EEF1AKMT2: variants seen among roughly 807,000 people sequenced by gnomAD.
EEF1AKMT2 encodes the protein eukaryotic translation elongation factor 1 alpha lysine methyltransferase 2.
Under a neutral mutation model 35.8 loss-of-function variants are expected in EEF1AKMT2, and 32 were observed. The observed-to-expected ratio is 0.89, with a 90% CI of 0.67 to 1.20. The LOEUF is 1.20. EEF1AKMT2 is among the 50% of genes most tolerant of loss of function. The pLI is 0.00. For synonymous variants in EEF1AKMT2, 121 were observed against 133.7 expected (o/e 0.91, Z 0.65); for missense variants, 330 against 347.5 (o/e 0.95, Z 0.40).
chr10:124,760,914 G>C (rs1238130798), intron 6 of EEF1AKMT2, among the ~76,000 whole-genome samples: 3 of 152,232 alleles, frequency 2.0e-5, no homozygotes, highest in African/African-American at 7.2e-5. Context: ...CCATCACCGA[G>C]GCTGGAGTGC....
chr10:124,782,391 G>A (rs924070686), intron 3 of EEF1AKMT2, among the ~76,000 whole-genome samples: 2 of 151,864 alleles, frequency 1.3e-5, no homozygotes, highest in Non-Finnish European at 2.9e-5. Context: ...GACCATCCTG[G>A]CTAACACGGT....
intron 4 of EEF1AKMT2, among the ~76,000 whole-genome samples, chr10:124,769,609 T>C (rs546190051): frequency 3.3e-5 from 5 of 152,286 alleles, no homozygotes; most frequent in African/African-American, 1.2e-4. Flanking sequence ...GTTTACACTG[T>C]ATTACAGTCT....
Position 124,785,450 on chromosome 10 carries a change from AAAGAT to A in EEF1AKMT2, c.291+3588_291+3592del, listed in dbSNP as rs553123798. Among the ~76,000 whole-genome samples, 714 of 152,278 alleles carry A rather than the reference AAAGAT, an allele frequency of 4.7e-3. 6 individuals are homozygous for A. Among genetic ancestry groups the A allele is most frequent in the Non-Finnish European group, 5.2e-3 (352 of 68,020 alleles). On this transcript the variant is annotated intron_variant, in intron 3 of 6. Transcript: ENST00000368836. ...TCAGAAGATACTGTTAAGTGAATGA[AAAGAT>A]AAGCCAAAGAATAGAAGAAAACATC... is the stretch of plus-strand genomic sequence containing the variant.
At chr10:124,769,218 C>CAAAAAGAAAAAAAAAA (rs1950406232) in intron 4 of EEF1AKMT2, among the ~76,000 whole-genome samples, 1 of 31,300 alleles carries the variant, frequency 3.2e-5, no homozygotes, top group Non-Finnish European at 5.6e-5. Context: ...ACACTGTCTC[C>CAAAAAGAAAAAAAAAA]AAAAAAAAAA....
chr10:124,791,705 T>C lies in EEF1AKMT2; in HGVS notation c.110+19A>G. The C allele has an allele frequency of 6.4e-7, 1 of 1,566,626 alleles. No homozygotes were observed. Among genetic ancestry groups the C allele is most frequent in the Non-Finnish European group, 8.6e-7 (1 of 1,161,012 alleles). ...CAGGGCGGCACGGCTCATCCTCCCC[T>C]GCCCAGCGTCACACTCACTGCTCGC... On this transcript the variant is annotated intron_variant, in intron 1 of 6. Transcript: ENST00000368836.
At chr10:124,782,578 T>A (rs1950551133) in intron 3 of EEF1AKMT2, among the ~76,000 whole-genome samples, 1 of 52,680 alleles carries the variant, frequency 1.9e-5, no homozygotes, top group Non-Finnish European at 3.6e-5. Context: ...CGAGACTCCG[T>A]CTCAAAAAAA....
At position 124,774,406 on chromosome 10, in the gene EEF1AKMT2, A is replaced by AAAAAAAAAG. The variant is rs1554918000; in HGVS notation, c.399+268_399+269insCTTTTTTTT. Among the ~76,000 whole-genome samples, 25 of 48,506 alleles carry AAAAAAAAAG rather than the reference A, an allele frequency of 5.2e-4. 3 individuals are homozygous for AAAAAAAAAG. Among genetic ancestry groups the AAAAAAAAAG allele is most frequent in the African/African-American group, 1.2e-3 (19 of 16,492 alleles). 31.8% of individuals were successfully genotyped at this position (48,506 alleles called of 152,430 possible). On this transcript the variant is annotated intron_variant, in intron 4 of 6. Transcript: ENST00000368836. ...AAAAAAAAAAAAAAAAAAAAAAAAA[A>AAAAAAAAAG]AAAACCCTTTTGATCTGGTTAATCC... is the stretch of plus-strand genomic sequence containing the variant.
At chr10:124,757,093 T>TAG (rs571040772), downstream of EEF1AKMT2, among the ~76,000 whole-genome samples, 9 of 151,956 alleles carry the variant, frequency 5.9e-5, no homozygotes, top group Non-Finnish European at 1.3e-4. Context: ...AATCAAGCTC[T>TAG]AGGTCATGGG....
At chr10:124,772,901 G>A (rs958681109) in intron 4 of EEF1AKMT2, among the ~76,000 whole-genome samples, 1 of 152,184 alleles carries the variant, frequency 6.6e-6, no homozygotes, top group African/African-American at 2.4e-5. Context: ...TCTATCTGGA[G>A]CACTAAAACT....
At position 124,791,793 on chromosome 10, in the gene EEF1AKMT2, G is replaced by A. The variant is rs1427476998; in HGVS notation, c.41C>T (p.Ala14Val). The change falls in exon 1 of 7, where the codon GCG becomes GTG. Residue 14 changes from alanine to valine, a missense_variant. Physicochemically the swap from Ala to Val is moderately conservative, Grantham distance 64. Transcript: ENST00000368836. Reference protein sequence around the residue: ...GADGGGGAAVAARSDKGSPGE... With the variant: ...GADGGGGAAVVARSDKGSPGE... ...GGGACTGCCCTTGTCCGACCGCGCC[G>A]CCACCGCAGCGCCACCGCCGCCGTC... The A allele has an allele frequency of 6.3e-7, 1 of 1,590,778 alleles. No homozygotes were observed. The highest frequency in any genetic ancestry group is 2.3e-5 in the East Asian group (1 of 44,054).
intron 3 of EEF1AKMT2, among the ~76,000 whole-genome samples, chr10:124,775,605 T>TGGTTACTTCCTTTAAA (rs1337568038): frequency 6.6e-6 from 1 of 152,194 alleles, no homozygotes; most frequent in Non-Finnish European, 1.5e-5. Flanking sequence ...ATTTACTAAA[T>TGGTTACTTCCTTTAAA]GGTTACTTCC....
intron 3 of EEF1AKMT2, among the ~76,000 whole-genome samples, chr10:124,778,038 A>T (rs1358660582): frequency 6.6e-6 from 1 of 152,012 alleles, no homozygotes; most frequent in East Asian, 1.9e-4. Flanking sequence ...CTAAACACAC[A>T]AAATTAGCCA....
intron 5 of EEF1AKMT2, among the ~76,000 whole-genome samples, chr10:124,764,925 T>C (rs967604658): frequency 6.6e-6 from 1 of 152,190 alleles, no homozygotes; most frequent in African/African-American, 2.4e-5. Context: ...TTTGTTTAGA[T>C]GTGTCTCACT....
intron 3 of EEF1AKMT2, among the ~76,000 whole-genome samples, chr10:124,779,853 G>A (rs971482377): frequency 2.0e-5 from 3 of 150,268 alleles, no homozygotes; most frequent in Non-Finnish European, 4.4e-5. Flanking sequence ...CTGAGGTCAG[G>A]AGATCGAGAC....
At chr10:124,780,008 A>G (rs1950527086) in intron 3 of EEF1AKMT2, among the ~76,000 whole-genome samples, 1 of 150,934 alleles carries the variant, frequency 6.6e-6, no homozygotes, top group Admixed American at 6.6e-5. Context: ...GCTTACAGTG[A>G]GCCAAGATCA....
At chr10:124,785,731 T>C (rs1950578540) in intron 3 of EEF1AKMT2, among the ~76,000 whole-genome samples, 2 of 151,556 alleles carry the variant, frequency 1.3e-5, no homozygotes, top group African/African-American at 4.8e-5. Flanking sequence ...CTATGTCTAC[T>C]AAAAATACAA....
At chr10:124,772,092 C>T (rs1462087078) in intron 4 of EEF1AKMT2, among the ~76,000 whole-genome samples, 1 of 152,174 alleles carries the variant, frequency 6.6e-6, no homozygotes, top group Non-Finnish European at 1.5e-5. Flanking sequence ...TAGCATAATT[C>T]TTACGGGCCC....
rs116691277 is a variant in EEF1AKMT2 at position 124,785,719 on chromosome 10, C to T, written c.291+3324G>A. ...GACCAGCCTAGCCAACATGGTGAAA[C>T]GCTATGTCTACTAAAAATACAAAAA... On this transcript the variant is annotated intron_variant, in intron 3 of 6. Transcript: ENST00000368836. Among the ~76,000 whole-genome samples the T allele has an allele frequency of 7.9e-3, 1,196 of 151,656 alleles. 20 individuals carry two copies. Among genetic ancestry groups the T allele is most frequent in the African/African-American group, 0.028 (1,162 of 41,358 alleles).
intron 3 of EEF1AKMT2, among the ~76,000 whole-genome samples, chr10:124,778,288 A>C (rs1474180234): frequency 1.3e-5 from 2 of 152,212 alleles, no homozygotes; most frequent in African/African-American, 4.8e-5. Flanking sequence ...AGAATAGGGC[A>C]GAAGAAAAAA....
Sources: allele counts gnomAD v4.1 joint callset (sites outside exome capture counted in the v4.1 genomes callset), GRCh38; gene constraint gnomAD v4.1.1; transcripts MANE v1.5; gene names NCBI Gene and HGNC (gene_info 2026-07-23, HGNC 2026-07-21).